Variants in PTPRT observed in about 807,000 individuals in gnomAD.
The protein encoded by PTPRT is protein tyrosine phosphatase receptor type T, also known as receptor-type tyrosine-protein phosphatase T.
In PTPRT, 56 loss-of-function variants were observed where a neutral mutation model predicts 176.8. The ratio of observed to expected loss-of-function variants is 0.32; its 90% CI spans 0.26 to 0.40. PTPRT has a LOEUF of 0.40. Among genes scored for constraint, PTPRT ranks in the 10% least tolerant of loss-of-function variants. The pLI is 1.00. For missense variants in PTPRT, 1,540 were observed against 1,908.2 expected (o/e 0.81, Z 3.60); for synonymous variants, 783 against 739.0 (o/e 1.06, Z -0.96).
At position 42,599,311 on chromosome 20, in the gene PTPRT, T is replaced by C. The variant is rs147181741; in HGVS notation, c.1153+78555A>G. ...ACACAGGGTTTGATGAGCAGAGACATCTGGGAGGTGCCACAAGGAGCTCCT... is the reference window on the plus strand; with the variant it reads ...ACACAGGGTTTGATGAGCAGAGACACCTGGGAGGTGCCACAAGGAGCTCCT... On this transcript the variant is annotated intron_variant, in intron 7 of 30. Transcript: ENST00000373187. 2.3e-3 allele frequency among the ~76,000 whole-genome samples: 350 copies of C among 152,230 alleles called. 7 individuals are homozygous for C. Among genetic ancestry groups the C allele is most frequent in the East Asian group, 0.019 (97 of 5,160 alleles).
intron 1 of PTPRT, among the ~76,000 whole-genome samples, chr20:43,181,114 C>A (rs557217247): frequency 1.6e-4 from 24 of 152,276 alleles, no homozygotes; most frequent in African/African-American, 5.8e-4. Context: ...TAGCAAACAG[C>A]TCATGAGAGA....
At chr20:42,683,365 A>G (rs550615562) in intron 6 of PTPRT, among the ~76,000 whole-genome samples, 56 of 151,694 alleles carry the variant, frequency 3.7e-4, no homozygotes, top group African/African-American at 1.3e-3. Flanking sequence ...GAAACCTCCA[A>G]CTCTTGGGTT....
chr20:42,420,194 C>T (rs1480221116), intron 9 of PTPRT, among the ~76,000 whole-genome samples: 1 of 152,148 alleles, frequency 6.6e-6, no homozygotes, highest in Non-Finnish European at 1.5e-5. Flanking sequence ...TGACAGGTGA[C>T]TTGGTTACCA....
intron 7 of PTPRT, among the ~76,000 whole-genome samples, chr20:42,535,583 T>C (rs1457132045): frequency 6.6e-6 from 1 of 152,178 alleles, no homozygotes; most frequent in Non-Finnish European, 1.5e-5. Context: ...TCCAAGAACA[T>C]TTTTGCAATG....
In PTPRT at chr20:42,282,484, C is replaced by T. The variant is rs1321129168; in HGVS notation, c.2176+5G>A. 6 of 1,609,934 alleles carry T rather than the reference C, an allele frequency of 3.7e-6. No homozygotes were observed. Among genetic ancestry groups the T allele is most frequent in the Non-Finnish European group, 5.1e-6 (6 of 1,177,598 alleles). On this transcript the variant is annotated splice_donor_5th_base_variant and intron_variant, in intron 13 of 30. Coordinates refer to ENST00000373187, the MANE Select transcript of PTPRT (RefSeq NM_007050.6). ...GTGAAGACAGACAAGCAGATGCCAA[C>T]ATACCTTTTGTAGCCAGACGAACAC...
chr20:42,345,443 G>A (rs1232237741), intron 11 of PTPRT, among the ~76,000 whole-genome samples: 1 of 146,178 alleles, frequency 6.8e-6, no homozygotes, highest in Non-Finnish European at 1.5e-5. Context: ...TATAAAACTA[G>A]TTACTATAGA....
intron 7 of PTPRT, among the ~76,000 whole-genome samples, chr20:42,510,975 C>T (rs1409641152): frequency 6.6e-6 from 1 of 151,956 alleles, no homozygotes; most frequent in African/African-American, 2.4e-5. Context: ...ACGGCTCTGC[C>T]CTGATGAATA....
Position 42,441,772 on chromosome 20 carries a change from C to T in PTPRT, c.1560+6448G>A, listed in dbSNP as rs114058632. On this transcript the variant is annotated intron_variant, in intron 9 of 30. Transcript: ENST00000373187. ...TGTGGCTGCTGGGGGCAACGGATGACGCTCTCATTTCTGGCTTGAACAATT... is the reference window on the plus strand; with the variant it reads ...TGTGGCTGCTGGGGGCAACGGATGATGCTCTCATTTCTGGCTTGAACAATT... Among the ~76,000 whole-genome samples, 1,079 of 152,310 alleles carry T rather than the reference C, an allele frequency of 7.1e-3. 18 individuals are homozygous for T. The highest frequency in any genetic ancestry group is 0.025 in the African/African-American group (1,034 of 41,558).
intron 1 of PTPRT, among the ~76,000 whole-genome samples, chr20:43,080,724 A>G (rs1298652422): frequency 6.6e-6 from 1 of 152,238 alleles, no homozygotes; most frequent in Non-Finnish European, 1.5e-5. Context: ...CATGAGCAGA[A>G]GTGACATGTC....
chr20:43,163,495 A>T (rs1348228171), intron 1 of PTPRT, among the ~76,000 whole-genome samples: 1 of 152,070 alleles, frequency 6.6e-6, no homozygotes, highest in Non-Finnish European at 1.5e-5. Flanking sequence ...AAAATTAGCC[A>T]GGCGTGGTGG....
intron 18 of PTPRT, among the ~76,000 whole-genome samples, chr20:42,137,249 T>C (rs191022890): frequency 6.6e-6 from 1 of 152,218 alleles, no homozygotes; most frequent in East Asian, 1.9e-4. Flanking sequence ...GTCAGGAGCA[T>C]TGAATAAGGC....
At chr20:42,738,038 G>T (rs1358380867) in intron 6 of PTPRT, among the ~76,000 whole-genome samples, 3 of 152,130 alleles carry the variant, frequency 2.0e-5, no homozygotes, top group Non-Finnish European at 4.4e-5. Flanking sequence ...ACCTCACTGT[G>T]CTCACTTTGT....
chr20:42,647,588 T>C (rs370012881), intron 7 of PTPRT, among the ~76,000 whole-genome samples: 20 of 152,192 alleles, frequency 1.3e-4, no homozygotes, highest in African/African-American at 3.9e-4. Flanking sequence ...AGCCTGATCC[T>C]CAGGAAGTTC....
At chr20:42,427,224 A>C (rs1419155310) in intron 9 of PTPRT, among the ~76,000 whole-genome samples, 1 of 152,198 alleles carries the variant, frequency 6.6e-6, no homozygotes, top group Non-Finnish European at 1.5e-5. Flanking sequence ...CACCTACTGC[A>C]TGGCAATACT....
chr20:42,902,493 A>G (rs766084585), intron 1 of PTPRT, among the ~76,000 whole-genome samples: 2 of 152,172 alleles, frequency 1.3e-5, no homozygotes, highest in Non-Finnish European at 2.9e-5. Flanking sequence ...GGAGGAGAAG[A>G]CACCGGTAAT....
chr20:42,051,900 T>C, the PTPRT span, among the ~76,000 whole-genome samples: 1 of 152,222 alleles, frequency 6.6e-6, no homozygotes, highest in Admixed American at 6.5e-5. Context: ...ACAAGCAATT[T>C]CCAGACAAAA....
chr20:42,909,755 TG>T (rs2079521568), intron 1 of PTPRT, among the ~76,000 whole-genome samples: 1 of 152,178 alleles, frequency 6.6e-6, no homozygotes, highest in Non-Finnish European at 1.5e-5. Flanking sequence ...AGGCAGGAGA[TG>T]GGCTGGGCCT....
chr20:42,836,635 C>T (rs894971103), intron 2 of PTPRT, among the ~76,000 whole-genome samples: 7 of 152,150 alleles, frequency 4.6e-5, no homozygotes, highest in Non-Finnish European at 7.3e-5. Context: ...GGGGATGAGC[C>T]GAGCTTTGGA....
intron 1 of PTPRT, among the ~76,000 whole-genome samples, chr20:43,105,324 C>A (rs890633452): frequency 2.0e-5 from 3 of 151,800 alleles, no homozygotes. Context: ...TTCATCTCTC[C>A]CCCACTTCCC....
Sources: allele counts gnomAD v4.1 joint callset (sites outside exome capture counted in the v4.1 genomes callset), GRCh38; gene constraint gnomAD v4.1.1; transcripts MANE v1.5; gene names NCBI Gene and HGNC (gene_info 2026-07-23, HGNC 2026-07-21).